The following TRPM3 variants were observed in gnomAD, a reference collection of about 807,000 sequenced individuals.
TRPM3 encodes the protein long transient receptor potential channel 3.
In TRPM3, 77 loss-of-function variants were observed where a neutral mutation model predicts 181.2. The observed-to-expected ratio is 0.42, with a 90% CI of 0.35 to 0.51. The LOEUF is 0.51. Ranked by LOEUF, TRPM3 falls within the 20% of genes least tolerant of loss-of-function variation. The probability of loss-of-function intolerance (pLI) is 0.01; values close to 1 mark genes in which losing one functional copy is unlikely to be tolerated. For missense variants in TRPM3, 1,759 were observed against 2,196.7 expected (o/e 0.80, Z 3.98); for synonymous variants, 745 against 796.4 (o/e 0.94, Z 1.09).
intron 1 of TRPM3, among the ~76,000 whole-genome samples, chr9:71,172,194 G>T (rs2076899513): frequency 6.6e-6 from 1 of 151,454 alleles, no homozygotes; most frequent in South Asian, 2.1e-4. Context: ...GAGCCACTGT[G>T]CCCAGCGCAT....
chr9:71,275,711 A>G (rs1211825116), intron 1 of TRPM3, among the ~76,000 whole-genome samples: 2 of 152,230 alleles, frequency 1.3e-5, no homozygotes, highest in Non-Finnish European at 2.9e-5. Context: ...TGGAGTAGTG[A>G]TTAACAAACA....
intron 1 of TRPM3, among the ~76,000 whole-genome samples, chr9:70,888,273 G>C (rs2096126590): frequency 6.6e-6 from 1 of 151,942 alleles, no homozygotes; most frequent in Non-Finnish European, 1.5e-5. Context: ...CCTGAAAAAA[G>C]TGAATTTTTA....
chr9:71,405,288 T>A (rs1040734654), intron 1 of TRPM3, among the ~76,000 whole-genome samples: 29 of 152,328 alleles, frequency 1.9e-4, no homozygotes, highest in South Asian at 4.1e-4. Context: ...TACAGCAAAG[T>A]GCAAAATGCA....
At chr9:71,175,276 AT>A (rs1448038276) in intron 1 of TRPM3, among the ~76,000 whole-genome samples, 1 of 152,156 alleles carries the variant, frequency 6.6e-6, no homozygotes, top group East Asian at 1.9e-4. Flanking sequence ...GACAGACTGA[AT>A]TTGTGTGAAT....
At chr9:70,629,421 C>T (rs1270579516) in intron 12 of TRPM3, among the ~76,000 whole-genome samples, 5 of 151,952 alleles carry the variant, frequency 3.3e-5, no homozygotes, top group Non-Finnish European at 7.4e-5. Context: ...CTGCAACCTC[C>T]GCCTCCCGGG....
At chr9:70,799,282 G>A (rs2088182255) in intron 6 of TRPM3, among the ~76,000 whole-genome samples, 1 of 151,942 alleles carries the variant, frequency 6.6e-6, no homozygotes, top group Admixed American at 6.6e-5. Flanking sequence ...TCACCACCAA[G>A]GTCATTAAAG....
chr9:71,087,590 G>A (rs1006703395), intron 1 of TRPM3, among the ~76,000 whole-genome samples: 1 of 151,942 alleles, frequency 6.6e-6, no homozygotes, highest in African/African-American at 2.4e-5. Flanking sequence ...GCATTTGGTG[G>A]GCCCTCAATA....
chr9:70,759,209 G>A (rs539154691), intron 8 of TRPM3, among the ~76,000 whole-genome samples: 8 of 152,220 alleles, frequency 5.3e-5, no homozygotes, highest in African/African-American at 1.4e-4. Flanking sequence ...GACACTTAAC[G>A]CAGCTAACAA....
chr9:70,773,598 C>G (rs568815762), intron 7 of TRPM3, among the ~76,000 whole-genome samples: 1 of 152,204 alleles, frequency 6.6e-6, no homozygotes, highest in South Asian at 2.1e-4. Context: ...ATTTTTGTTA[C>G]ATGTTTATGA....
intron 1 of TRPM3, among the ~76,000 whole-genome samples, chr9:71,345,151 A>T (rs1026676788): frequency 1.3e-5 from 2 of 152,212 alleles, no homozygotes; most frequent in Non-Finnish European, 2.9e-5. Context: ...GGGAATGTAC[A>T]TTAGTTCAAC....
At chr9:71,215,927 C>T (rs922384955) in intron 1 of TRPM3, among the ~76,000 whole-genome samples, 1 of 152,180 alleles carries the variant, frequency 6.6e-6, no homozygotes, top group Non-Finnish European at 1.5e-5. Context: ...ATGTCTGCCC[C>T]TGGTCGGCTC....
chr9:71,347,167 C>T (rs1213395277), intron 1 of TRPM3, among the ~76,000 whole-genome samples: 1 of 152,148 alleles, frequency 6.6e-6, no homozygotes, highest in Non-Finnish European at 1.5e-5. Context: ...GTTATCCCCA[C>T]CTGGACAATA....
chr9:71,275,418 G>A (rs2084122972), intron 1 of TRPM3, among the ~76,000 whole-genome samples: 1 of 152,136 alleles, frequency 6.6e-6, no homozygotes, highest in Non-Finnish European at 1.5e-5. Context: ...GATTGGAATA[G>A]TCAATATTGC....
chr9:70,868,335 G>A (rs1462397245), intron 1 of TRPM3, among the ~76,000 whole-genome samples: 1 of 151,892 alleles, frequency 6.6e-6, no homozygotes, highest in African/African-American at 2.4e-5. Context: ...CACTCACATT[G>A]AACAAAGTAT....
At chr9:70,995,768 A>C (rs1323328820) in intron 1 of TRPM3, among the ~76,000 whole-genome samples, 1 of 152,170 alleles carries the variant, frequency 6.6e-6, no homozygotes, top group Non-Finnish European at 1.5e-5. Flanking sequence ...AATTGCTCAA[A>C]ATAAAGCCAT....
intron 1 of TRPM3, among the ~76,000 whole-genome samples, chr9:71,408,684 G>A (rs925874047): frequency 2.4e-4 from 37 of 152,270 alleles, no homozygotes; most frequent in Non-Finnish European, 1.9e-4. Flanking sequence ...CACTCTGCAG[G>A]ATATCATCCA....
intron 1 of TRPM3, among the ~76,000 whole-genome samples, chr9:71,155,360 C>T (rs943744551): frequency 2.0e-5 from 3 of 151,908 alleles, no homozygotes; most frequent in African/African-American, 7.3e-5. Flanking sequence ...TCTTGTCACC[C>T]AGGCTGGAGT....
intron 8 of TRPM3, among the ~76,000 whole-genome samples, chr9:70,690,034 G>A (rs1410374): frequency 0.21 from 32,626 of 151,924 alleles, 4,269 homozygotes; most frequent in Non-Finnish European, 0.29. Flanking sequence ...TGTATGCCAC[G>A]GTGAGCAATG....
chr9:70,868,533 ATCT>A, intron 1 of TRPM3, among the ~76,000 whole-genome samples: 1 of 152,188 alleles, frequency 6.6e-6, no homozygotes, highest in Non-Finnish European at 1.5e-5. Context: ...ACTACTTTGA[ATCT>A]TCTTACTATG....
Sources: allele counts gnomAD v4.1 joint callset (sites outside exome capture counted in the v4.1 genomes callset), GRCh38; gene constraint gnomAD v4.1.1; transcripts MANE v1.5; gene names NCBI Gene and HGNC (gene_info 2026-07-23, HGNC 2026-07-21).